CAPRIN1: variants seen among roughly 807,000 people sequenced by gnomAD.
The protein encoded by CAPRIN1 is cell cycle associated protein 1, also known as caprin-1.
A neutral mutation model predicts 100.9 loss-of-function variants in CAPRIN1; 29 were observed. That is an observed-to-expected ratio of 0.29 (90% CI 0.21 to 0.39). The LOEUF (loss-of-function observed/expected upper bound fraction) is 0.39. Among genes scored for constraint, CAPRIN1 ranks in the 10% least tolerant of loss-of-function variants. The pLI is 1.00. For synonymous variants in CAPRIN1, 338 were observed against 307.5 expected, an observed-to-expected ratio of 1.10 and a Z score of -1.04; for missense variants, 795 against 876.7, an observed-to-expected ratio of 0.91 and a Z score of 1.18.
intron 4 of CAPRIN1, among the ~76,000 whole-genome samples, chr11:34,072,793 C>G (rs1240849720): frequency 6.6e-6 from 1 of 152,200 alleles, no homozygotes; most frequent in Non-Finnish European, 1.5e-5. Flanking sequence ...GCATGTACTC[C>G]ATAATGATGT....
chr11:34,088,584 G>A (rs977084971), intron 11 of CAPRIN1, among the ~76,000 whole-genome samples: 1 of 152,160 alleles, frequency 6.6e-6, no homozygotes, highest in Non-Finnish European at 1.5e-5. Flanking sequence ...CAAGGTGGGA[G>A]GATTTCTTGA....
At chr11:34,097,806 G>A (rs1258492207) in intron 18 of CAPRIN1, 45 bp downstream of exon 18, 2 of 1,613,724 alleles carry the variant, frequency 1.2e-6, no homozygotes, top group East Asian at 2.2e-5. Flanking sequence ...TGGAGCTTCT[G>A]TTCTGGCCTT....
chr11:34,055,107 A>C (rs1246818666), intron 2 of CAPRIN1, among the ~76,000 whole-genome samples: 1 of 152,156 alleles, frequency 6.6e-6, no homozygotes, highest in African/African-American at 2.4e-5. Context: ...GTATAGGTGT[A>C]TGTGAATTAC....
At chr11:34,086,564 TC>T in intron 11 of CAPRIN1, 151 bp downstream of exon 11, 1 of 561,088 alleles carries the variant, frequency 1.8e-6, no homozygotes, top group East Asian at 2.9e-5. Context: ...ATGTTATTGT[TC>T]CTATGATTTG....
intron 2 of CAPRIN1, among the ~76,000 whole-genome samples, chr11:34,058,483 C>T (rs1451203519): frequency 1.3e-5 from 2 of 152,196 alleles, no homozygotes; most frequent in African/African-American, 2.4e-5. Flanking sequence ...TAATGTTCCA[C>T]GGCCTAAGTG....
chr11:34,097,925 A>C, intron 18 of CAPRIN1, 164 bp downstream of exon 18: 1 of 1,372,212 alleles, frequency 7.3e-7, no homozygotes, highest in Non-Finnish European at 9.4e-7. Flanking sequence ...TTGGACCCAA[A>C]TTTTAATTTT....
At chr11:34,067,492 G>GTT (rs985265901) in intron 2 of CAPRIN1, among the ~76,000 whole-genome samples, 4 of 143,496 alleles carry the variant, frequency 2.8e-5, no homozygotes, top group African/African-American at 7.7e-5. Flanking sequence ...ATGCACAGTT[G>GTT]TTTTTTTTTT....
At chr11:34,095,195 C>G (rs1276154072) in intron 15 of CAPRIN1, among the ~76,000 whole-genome samples, 1 of 152,028 alleles carries the variant, frequency 6.6e-6, no homozygotes, top group East Asian at 1.9e-4. Flanking sequence ...TACACCCAGC[C>G]TGGCTATGAA....
In CAPRIN1 at chr11:34,052,303, C is replaced by T. The variant is rs1850332691; in HGVS notation, c.1-118C>T. ...GGCGCGCCGCGCCCCCTCCCCCACC[C>T]GCTCGCGTAGGCTACCGCTCGCTGC... On this transcript the variant is annotated intron_variant, in intron 1 of 18. Coordinates refer to ENST00000341394, the MANE Select transcript of CAPRIN1 (RefSeq NM_005898.5). 5 of 871,512 alleles carry T rather than the reference C, an allele frequency of 5.7e-6. No homozygotes were observed. The Admixed American group carries it at 8.3e-5, about 15-fold the overall frequency. 54.0% of individuals were successfully genotyped at this position (871,512 alleles called of 1,614,324 possible).
chr11:34,052,221 A>T, intron 1 of CAPRIN1, 200 bp from the exon 2 acceptor site: 1 of 188,470 alleles, frequency 5.3e-6, no homozygotes, highest in Non-Finnish European at 1.0e-5. Flanking sequence ...TGCGAGGCCC[A>T]GCCGGGCGCC....
intron 2 of CAPRIN1, among the ~76,000 whole-genome samples, chr11:34,071,510 A>G (rs1235402914): frequency 1.3e-5 from 2 of 152,204 alleles, no homozygotes; most frequent in Non-Finnish European, 2.9e-5. Context: ...GGTTGCATTG[A>G]GACAAGATCG....
At chr11:34,097,472 T>C (rs1291131905) in intron 17 of CAPRIN1, among the ~76,000 whole-genome samples, 176 bp downstream of exon 17, 4 of 152,222 alleles carry the variant, frequency 2.6e-5, no homozygotes, top group Non-Finnish European at 4.4e-5. Context: ...TAGTAAAGCC[T>C]GTTAAAGACA....
chr11:34,061,851 A>T (rs1055801241), intron 2 of CAPRIN1, among the ~76,000 whole-genome samples: 2 of 151,352 alleles, frequency 1.3e-5, no homozygotes, highest in Non-Finnish European at 2.9e-5. Context: ...TATGCCTGTA[A>T]TCCCAGTTAC....
Position 34,076,552 on chromosome 11 carries a change from A to C in CAPRIN1, c.606-8A>C. ...AAAGGTTATTAATTAGCTATTTACT[A>C]TTAAAAGGTTGAATGAACAGTATGA... On this transcript the variant is annotated splice_polypyrimidine_tract_variant and splice_region_variant and intron_variant, in intron 5 of 18. Coordinates refer to ENST00000341394, the MANE Select transcript of CAPRIN1 (RefSeq NM_005898.5). The C allele has an allele frequency of 6.2e-7, 1 of 1,612,688 alleles. No homozygotes were observed. The highest frequency in any genetic ancestry group is 1.3e-5 in the African/African-American group (1 of 75,006).
At chr11:34,064,811 T>C (rs1388820436) in intron 2 of CAPRIN1, among the ~76,000 whole-genome samples, 1 of 152,186 alleles carries the variant, frequency 6.6e-6, no homozygotes. Flanking sequence ...TAAACGAGTG[T>C]TCTCTTTATG....
chr11:34,096,242 C>A, intron 15 of CAPRIN1: 1 of 400,148 alleles, frequency 2.5e-6, no homozygotes, highest in Non-Finnish European at 4.4e-6. Context: ...AATCATGCAC[C>A]CTGCTTTCAA....
chr11:34,086,482 G>A (rs1851147451), intron 11 of CAPRIN1, 69 bp downstream of exon 11: 1 of 916,868 alleles, frequency 1.1e-6, no homozygotes, highest in Non-Finnish European at 1.7e-6. Context: ...TAAAAAGATT[G>A]TGAAAATAAA....
rs1440340689 is a variant in CAPRIN1, at chr11:34,090,635, G to C, written c.1511G>C (p.Ser504Thr). 6.2e-7 allele frequency: 1 copy of C among 1,614,098 alleles called. No homozygotes were observed. Among genetic ancestry groups the C allele is most frequent in the Admixed American group, 1.7e-5 (1 of 60,022 alleles). ...QAGTSKPLHS[S>T]GINVNAAPFQ... Reference sequence around the variant, plus strand: ...GGGACAAGCAAACCTTTACATAGCAGTGGAATCAATGTAAATGCAGCTCCA... The same window carrying C: ...GGGACAAGCAAACCTTTACATAGCACTGGAATCAATGTAAATGCAGCTCCA... Residue 504 changes from serine (S) to threonine (T), a missense_variant, in exon 14 of 19, where the codon AGT becomes ACT. Around this residue, in one of 3 missense-constraint regions of CAPRIN1, gnomAD observed 648 missense variants for 697.9 expected, o/e 0.93. Transcript: ENST00000341394.
Position 34,090,676 on chromosome 11 carries a change from A to T in CAPRIN1, c.1552A>T (p.Thr518Ser). ...VNAAPFQSMQ[T>S]VFNMNAPVPP... is the part of the protein sequence containing the mutation. ...TGCAGCTCCATTCCAATCCATGCAA[A>T]CGGTAAGCAAATTAACTAACATTAA... The change falls in exon 14 of 19, where the codon ACG becomes TCG. Residue 518 changes from threonine (T) to serine (S), a missense_variant and splice_region_variant. This residue lies in a region of CAPRIN1 where 648 missense variants were observed against 697.9 expected (regional missense o/e 0.93). Transcript: ENST00000341394. The T allele has an allele frequency of 6.2e-7, 1 of 1,612,032 alleles. No homozygotes were observed. The highest frequency in any genetic ancestry group is 8.5e-7 in the Non-Finnish European group (1 of 1,178,352).
Sources: gnomAD v4.1 joint callset for allele counts (sites outside exome capture counted in the v4.1 genomes callset) on GRCh38, gnomAD v4.1.1 for gene constraint, gnomAD v4.1.1 regional missense constraint, MANE v1.5 for transcripts, NCBI Gene and HGNC (gene_info 2026-07-23, HGNC 2026-07-21) for gene names.